The following ACAD9 variants were observed in gnomAD, a reference collection of about 807,000 sequenced individuals.
The protein encoded by ACAD9 is acyl-CoA dehydrogenase family member 9.
Under a neutral mutation model 70.2 loss-of-function variants are expected in ACAD9, and 53 were observed. The observed-to-expected ratio is 0.75, with a 90% CI of 0.61 to 0.95. ACAD9 has a LOEUF of 0.95. Ranked by LOEUF, ACAD9 falls within the 40% of genes least tolerant of loss-of-function variation. ACAD9 has a pLI of 0.00. For missense variants in ACAD9, 777 were observed against 802.8 expected (o/e 0.97, Z 0.39); for synonymous variants, 313 against 312.1 (o/e 1.00, Z -0.03).
Position 128,905,929 on chromosome 3 carries a change from T to C in ACAD9, c.1150-192T>C, listed in dbSNP as rs2630252. ...AAGGCAGGCCCAGAGGTACAGAAGG[T>C]CATGGTGGGGTAGGGAACACAAGCT... On this transcript the variant is annotated intron_variant, in intron 11 of 17. Coordinates refer to ENST00000308982, the MANE Select transcript of ACAD9 (RefSeq NM_014049.5). 0.24 allele frequency among the ~76,000 whole-genome samples: 35,890 copies of C among 151,804 alleles called. 4,632 individuals carry two copies. The highest frequency in any genetic ancestry group is 0.56 in the East Asian group (2,863 of 5,150).
intron 3 of ACAD9, among the ~76,000 whole-genome samples, chr3:128,894,889 T>C (rs1263615888): frequency 6.7e-6 from 1 of 148,558 alleles, no homozygotes; most frequent in South Asian, 2.2e-4. Context: ...TTTTTTTTTT[T>C]TTTTTGAGAC....
intron 2 of ACAD9, among the ~76,000 whole-genome samples, chr3:128,885,739 G>A (rs1158503427): frequency 6.6e-6 from 1 of 151,888 alleles, no homozygotes; most frequent in Non-Finnish European, 1.5e-5. Flanking sequence ...CTGTGGGGCT[G>A]GGTGCAGTGG....
intron 3 of ACAD9, among the ~76,000 whole-genome samples, chr3:128,894,533 C>CTT (rs34217688): frequency 6.7e-4 from 89 of 133,230 alleles, no homozygotes; most frequent in African/African-American, 1.0e-3. Flanking sequence ...AGATTGCGAG[C>CTT]TTTTTTTTTT....
intron 2 of ACAD9, among the ~76,000 whole-genome samples, chr3:128,885,594 A>G (rs1032202943): frequency 2.0e-5 from 3 of 152,094 alleles, no homozygotes; most frequent in South Asian, 2.1e-4. Context: ...GGTTCTCACT[A>G]TATTGCCCAG....
rs1178507296 is a variant in ACAD9 at position 128,879,638 on chromosome 3, C to A, written c.-54C>A. 7 of 1,600,364 alleles carry A rather than the reference C, an allele frequency of 4.4e-6. No homozygotes were observed. The highest frequency in any genetic ancestry group is 6.0e-6 in the Non-Finnish European group (7 of 1,172,070). On this transcript the variant is annotated 5_prime_UTR_variant, in exon 1 of 18. Transcript: ENST00000308982. ...TAACGTCATCAGACGTGTGTGTGTC[C>A]CTGCGGCGCTAAGAAGGGGAGACTG...
chr3:128,881,136 A>G (rs62268183), intron 1 of ACAD9, among the ~76,000 whole-genome samples: 4,383 of 152,304 alleles, frequency 0.029, 106 homozygotes, highest in South Asian at 0.11. Context: ...GACTCAGACT[A>G]AAAGCAGTTT....
intron 3 of ACAD9, among the ~76,000 whole-genome samples, chr3:128,894,533 CTT>C (rs34217688): frequency 2.8e-4 from 37 of 133,158 alleles, no homozygotes; most frequent in Non-Finnish European, 2.4e-4. Flanking sequence ...AGATTGCGAG[CTT>C]TTTTTTTTTT....
rs764117432 is a variant in ACAD9, at chr3:128,909,408, T to C, written c.1550T>C (p.Leu517Pro). The C allele has an allele frequency of 6.2e-7, 1 of 1,614,106 alleles. No homozygotes were observed. The highest frequency in any genetic ancestry group is 1.1e-5 in the South Asian group (1 of 91,074). Reference sequence around the variant, plus strand: ...GGCCGGACCGTGGAGACACTGCTGCTCCGCTTTGGCAAGGTAACCAGGCCC... The same window carrying C: ...GGCCGGACCGTGGAGACACTGCTGCCCCGCTTTGGCAAGGTAACCAGGCCC... ...CFGRTVETLL[L>P]RFGKTIMEEQ... is the part of the protein sequence containing the mutation. Residue 517 changes from leucine to proline, a missense_variant, in exon 15 of 18, where the codon CTC (leucine) becomes CCC (proline). By Grantham distance (98) the Leu-to-Pro change is moderately conservative. Coordinates refer to ENST00000308982, the MANE Select transcript of ACAD9 (RefSeq NM_014049.5).
At chr3:128,891,746 A>T (rs569528054) in intron 2 of ACAD9, among the ~76,000 whole-genome samples, 1 of 152,306 alleles carries the variant, frequency 6.6e-6, no homozygotes, top group South Asian at 2.1e-4. Flanking sequence ...TTCAGAAGAG[A>T]TGTCTGCTTC....
intron 5 of ACAD9, 28 bp from the exon 6 acceptor site, chr3:128,897,604 C>T: frequency 6.2e-7 from 1 of 1,604,940 alleles, no homozygotes; most frequent in Non-Finnish European, 8.5e-7. Flanking sequence ...CAGTATTCTC[C>T]CTTGACCACA....
intron 9 of ACAD9, among the ~76,000 whole-genome samples, chr3:128,903,100 T>C (rs1205121059): frequency 6.6e-6 from 1 of 152,152 alleles, no homozygotes; most frequent in African/African-American, 2.4e-5. Context: ...GGATCTTACC[T>C]TTGTTCTATT....
intron 17 of ACAD9, among the ~76,000 whole-genome samples, chr3:128,911,034 T>C (rs963052319): frequency 1.3e-5 from 2 of 152,176 alleles, no homozygotes; most frequent in Non-Finnish European, 2.9e-5. Flanking sequence ...TGTATGTATA[T>C]ATGTGTGTGT....
chr3:128,888,660 C>T (rs1221875919), intron 2 of ACAD9, among the ~76,000 whole-genome samples: 1 of 151,958 alleles, frequency 6.6e-6, no homozygotes, highest in African/African-American at 2.4e-5. Context: ...TGAGAAGTGC[C>T]AAATTGTCAG....
rs557401373 is a variant in ACAD9, at chr3:128,884,719, C to A, written c.217C>A (p.Pro73Thr). The change falls in exon 2 of 18, where the codon CCC becomes ACC. Residue 73 changes from proline to threonine, a missense_variant. By Grantham distance (38) the Pro-to-Thr change is conservative. Coordinates refer to ENST00000308982, the MANE Select transcript of ACAD9 (RefSeq NM_014049.5). ...ELNEINQFLG[P>T]VEKFFTEEVD... is the part of the protein sequence containing the mutation. ...TAATGAAATCAATCAGTTCTTGGGA[C>A]CCGTGGAAAAATTCTTCACTGAAGA... 3 of 1,613,518 alleles carry A rather than the reference C, an allele frequency of 1.9e-6. No homozygotes were observed. The highest frequency in any genetic ancestry group is 3.3e-5 in the Admixed American group (2 of 60,022).
intron 2 of ACAD9, among the ~76,000 whole-genome samples, chr3:128,890,990 C>T (rs1003108916): frequency 6.6e-6 from 1 of 151,848 alleles, no homozygotes; most frequent in East Asian, 2.0e-4. Flanking sequence ...TATAGGTGCG[C>T]ATCACTATGC....
chr3:128,889,041 C>G (rs892269173), intron 2 of ACAD9, among the ~76,000 whole-genome samples: 1 of 151,656 alleles, frequency 6.6e-6, no homozygotes, highest in Non-Finnish European at 1.5e-5. Context: ...TACCATATTT[C>G]TACTGTATCT....
chr3:128,909,828 A>G (rs1248731144), intron 15 of ACAD9, 193 bp from the exon 16 acceptor site: 6 of 735,506 alleles, frequency 8.2e-6, no homozygotes, highest in South Asian at 5.1e-5. Context: ...CCCTGAATCT[A>G]GAGCTCAAAG....
chr3:128,905,096 C>A (rs766859551), intron 11 of ACAD9, among the ~76,000 whole-genome samples: 1 of 151,848 alleles, frequency 6.6e-6, no homozygotes, highest in Non-Finnish European at 1.5e-5. Flanking sequence ...TGCAGTGAGC[C>A]GAGGTTGTGC....
chr3:128,900,006 A>G (rs1935689701), intron 7 of ACAD9, among the ~76,000 whole-genome samples: 1 of 152,194 alleles, frequency 6.6e-6, no homozygotes, highest in African/African-American at 2.4e-5. Flanking sequence ...ATCTCAGCTC[A>G]CTGCAACCTC....
Sources: gnomAD v4.1 joint callset for allele counts (sites outside exome capture counted in the v4.1 genomes callset) on GRCh38, gnomAD v4.1.1 for gene constraint, MANE v1.5 for transcripts, NCBI Gene and HGNC (gene_info 2026-07-23, HGNC 2026-07-21) for gene names.